PXN: variants seen among roughly 807,000 people sequenced by gnomAD.
PXN encodes the protein paxillin, also known as testicular tissue protein Li 134.
In PXN, 61 loss-of-function variants were observed where a neutral mutation model predicts 103.6. That is an observed-to-expected ratio of 0.59 (90% CI 0.48 to 0.73). PXN has a LOEUF of 0.73. Among genes scored for constraint, PXN ranks in the 30% least tolerant of loss-of-function variants. The pLI is 0.00. For synonymous variants in PXN, 562 were observed against 607.8 expected (o/e 0.92, Z 1.11); for missense variants, 1,274 against 1,460.3 (o/e 0.87, Z 2.08).
intron 1 of PXN, among the ~76,000 whole-genome samples, chr12:120,241,430 G>A (rs910569685): frequency 2.6e-5 from 4 of 152,200 alleles, no homozygotes; most frequent in African/African-American, 4.8e-5. Context: ...CCTGTCTCAC[G>A]TGCCTCCTCC....
At chr12:120,226,414 C>T (rs1297091640) in intron 1 of PXN, 1 of 1,289,226 alleles carries the variant, frequency 7.8e-7, no homozygotes, top group Non-Finnish European at 1.0e-6. Flanking sequence ...GGTTCAGAGG[C>T]AGAGTCACAT....
At position 120,223,829 on chromosome 12, in the gene PXN, T is replaced by G; in HGVS notation, c.245A>C (p.Gln82Pro). The change falls in exon 3 of 15, where the codon CAG (glutamine) becomes CCG (proline). Residue 82 changes from glutamine (Q) to proline (P), a missense_variant. Gln to Pro is a moderately conservative substitution (Grantham distance 76). Coordinates refer to ENST00000637617, the MANE Select transcript of PXN (RefSeq NM_001385981.1). ...GGAGCCGTACACAGGTGATGAGGAC[T>G]GAGGCTGCGAGAAGGAGAATGCTCA... ...SSSRFIHQQP[Q>P]SSSPVYGSSA... The G allele has an allele frequency of 6.3e-7, 1 of 1,595,338 alleles. No homozygotes were observed. Among genetic ancestry groups the G allele is most frequent in the Non-Finnish European group, 8.6e-7 (1 of 1,168,478 alleles).
chr12:120,216,097 G>A lies in PXN; in HGVS notation c.2301+176C>T, dbSNP rs184939193. On this transcript the variant is annotated intron_variant, in intron 9 of 14. Coordinates refer to ENST00000637617, the MANE Select transcript of PXN (RefSeq NM_001385981.1). This position sits in a 1 kb window ranked among gnomAD's most constrained non-coding sequence, Gnocchi z 5.1. ...CAAGAGGGCAGCGGACCTTCTGAGT[G>A]GGGGAAGACCGGGGTCAAGGTTTAC... 7.7e-6 allele frequency: 10 copies of A among 1,293,954 alleles called. No individual in the cohort carries two copies. In the Admixed American group the frequency reaches 1.1e-4, roughly 14 times the overall value. 80.2% of individuals were successfully genotyped at this position (1,293,954 alleles called of 1,614,324 possible).
Position 120,222,466 on chromosome 12 carries a change from C to T in PXN, c.695+83G>A. ...CAGACACGGGAGGGAGTGGGTGATACCAGGGCTAAGGGGACAGACACTGGA... is the reference window on the plus strand; with the variant it reads ...CAGACACGGGAGGGAGTGGGTGATATCAGGGCTAAGGGGACAGACACTGGA... On this transcript the variant is annotated intron_variant, in intron 5 of 14. Coordinates refer to ENST00000637617, the MANE Select transcript of PXN (RefSeq NM_001385981.1). This position sits in a 1 kb window ranked among gnomAD's most constrained non-coding sequence, Gnocchi z 4.7. The T allele has an allele frequency of 1.4e-6, 2 of 1,414,490 alleles. No homozygotes were observed. The highest frequency in any genetic ancestry group is 1.9e-6 in the Non-Finnish European group (2 of 1,054,704). 87.6% of individuals were successfully genotyped at this position (1,414,490 alleles called of 1,614,324 possible).
chr12:120,246,514 C>CAAAAAAAAAAAAAAAAA (rs139689226), intron 1 of PXN, among the ~76,000 whole-genome samples: 8 of 58,336 alleles, frequency 1.4e-4, no homozygotes, highest in East Asian at 3.7e-4. Context: ...GACTCTGTCT[C>CAAAAAAAAAAAAAAAAA]AAAAAAAAAA....
chr12:120,215,569 G>A lies in PXN; in HGVS notation c.2394C>T (p.Asp798=), dbSNP rs765989837. The part of the protein sequence containing the change: ...DGGRSSPGGQ[D]EGGFMAQGKT... ...CAGCCTTGGCACTGACCCCTCCCTC[G>A]TCCTGCCCTCCGGGGCTGCTCCGCC... is the stretch of plus-strand genomic sequence containing the variant. Residue 798 remains aspartate, a synonymous_variant, in exon 10 of 15, where the codon GAC becomes GAT. Coordinates refer to ENST00000637617, the MANE Select transcript of PXN (RefSeq NM_001385981.1). This position sits in a 1 kb window ranked among gnomAD's most constrained non-coding sequence, Gnocchi z 4.9. 16 of 1,596,840 alleles carry A rather than the reference G, an allele frequency of 1.0e-5. No homozygotes were observed. Among genetic ancestry groups the A allele is most frequent in the Non-Finnish European group, 1.2e-5 (14 of 1,173,028 alleles).
At chr12:120,226,418 G>A (rs1306113672) in intron 1 of PXN, 2 of 1,289,080 alleles carry the variant, frequency 1.6e-6, no homozygotes, top group Non-Finnish European at 2.0e-6. Flanking sequence ...CAGAGGCAGA[G>A]TCACATCCCA....
chr12:120,240,186 A>AGG (rs771601429), intron 1 of PXN, among the ~76,000 whole-genome samples: 4 of 152,144 alleles, frequency 2.6e-5, no homozygotes, highest in Non-Finnish European at 5.9e-5. Flanking sequence ...GGAACAAATA[A>AGG]GATAACAATC....
At chr12:120,237,317 C>A (rs1364160194) in intron 1 of PXN, among the ~76,000 whole-genome samples, 1 of 152,080 alleles carries the variant, frequency 6.6e-6, no homozygotes, top group African/African-American at 2.4e-5. Flanking sequence ...TGCCAACACG[C>A]CCTGCTAATT....
Position 120,216,497 on chromosome 12 carries a change from G to A in PXN, c.2077C>T (p.Arg693Cys), listed in dbSNP as rs377733452. ...GAGCTGCTGGCCGCGGCGTCTGTGCGATGCTGGAGCAAAGGGACAGAAGGA... is the reference window on the plus strand; with the variant it reads ...GAGCTGCTGGCCGCGGCGTCTGTGCAATGCTGGAGCAAAGGGACAGAAGGA... The part of the protein sequence containing the change: ...ASPSVPLLQH[R>C]TDAAASSSSP... Residue 693 changes from arginine (R) to cysteine (C), a missense_variant, in exon 9 of 15, where the codon CGC becomes TGC. Physicochemically the swap from Arg to Cys is radical, Grantham distance 180. Transcript: ENST00000637617. This position sits in a 1 kb window ranked among gnomAD's most constrained non-coding sequence, Gnocchi z 5.1. The A allele has an allele frequency of 9.4e-5, 131 of 1,393,760 alleles. No homozygotes were observed. The highest frequency in any genetic ancestry group is 3.5e-4 in the African/African-American group (23 of 66,538). The allele number at this position is 1,393,760 out of a possible 1,614,324, so 86.3% of individuals were successfully genotyped here.
In PXN at chr12:120,220,173, C is replaced by T. The variant is rs761558064; in HGVS notation, c.832-82G>A. ...ACGGCTGCACCTTGCAGGCGGTGGG[C>T]TCGGCCTTAGGGCTGACCAAGGTGG... On this transcript the variant is annotated intron_variant, in intron 6 of 14. Transcript: ENST00000637617. The surrounding 1 kb of genome is among the most constrained non-coding windows in gnomAD (Gnocchi z 6.1). 18 of 623,546 alleles carry T rather than the reference C, an allele frequency of 2.9e-5. No individual in the cohort carries two copies. The highest frequency in any genetic ancestry group is 4.6e-5 in the Non-Finnish European group (17 of 370,730). 38.6% of individuals were successfully genotyped at this position (623,546 alleles called of 1,614,324 possible). A position where few individuals can be genotyped will look rare whatever the true frequency, so the allele number is the denominator to read the frequency against.
At chr12:120,251,150 A>G (rs1440730153) in intron 1 of PXN, among the ~76,000 whole-genome samples, 1 of 151,888 alleles carries the variant, frequency 6.6e-6, no homozygotes, top group Non-Finnish European at 1.5e-5. Context: ...GGTTGCAATG[A>G]GCTGAGATCA....
chr12:120,252,178 AC>A (rs1280960679), intron 1 of PXN, among the ~76,000 whole-genome samples: 3 of 152,152 alleles, frequency 2.0e-5, no homozygotes, highest in African/African-American at 7.2e-5. Context: ...GCTCAGCATC[AC>A]TGTGGGTGTC....
chr12:120,226,329 G>A (rs1886864513), intron 1 of PXN: 1 of 1,289,060 alleles, frequency 7.8e-7, no homozygotes, highest in African/African-American at 1.5e-5. Context: ...ATCCTTGAAG[G>A]CCCACTGGGG....
Position 120,210,857 on chromosome 12 carries a change from T to C in PXN, c.*1457A>G, listed in dbSNP as rs996641823. 2.0e-5 allele frequency: 3 copies of C among 152,640 alleles called. No individual in the cohort carries two copies. The highest frequency in any genetic ancestry group is 7.2e-5 in the African/African-American group (3 of 41,434). 9.5% of individuals were successfully genotyped at this position (152,640 alleles called of 1,614,324 possible). ...CTCTTTCATCCTTGGTAAAGAGCTC[T>C]GGGGGGTTTCCCCAGAGGAGCCTGT... On this transcript the variant is annotated 3_prime_UTR_variant, in exon 15 of 15. Transcript: ENST00000637617.
intron 1 of PXN, among the ~76,000 whole-genome samples, chr12:120,244,046 G>A (rs999904462): frequency 1.3e-5 from 2 of 151,742 alleles, no homozygotes; most frequent in African/African-American, 2.4e-5. Context: ...TTCAGCTCAT[G>A]CCACCTCCTG....
intron 2 of PXN, 36 bp from the exon 3 acceptor site, chr12:120,223,869 G>A (rs1282920839): frequency 1.3e-5 from 19 of 1,467,524 alleles, no homozygotes; most frequent in Non-Finnish European, 1.3e-5. Context: ...CTACCCCGAG[G>A]GGAGAAAAAG....
chr12:120,265,007 G>T lies in PXN; in HGVS notation c.13+610C>A, dbSNP rs1217250273. Among the ~76,000 whole-genome samples the T allele has an allele frequency of 6.6e-6, 1 of 152,050 alleles. No individual in the cohort carries two copies. Among genetic ancestry groups the T allele is most frequent in the Non-Finnish European group, 1.5e-5 (1 of 68,008 alleles). On this transcript the variant is annotated intron_variant, in intron 1 of 14. Transcript: ENST00000637617. This position sits in a 1 kb window ranked among gnomAD's most constrained non-coding sequence, Gnocchi z 5.7. ...CTGGGAAACTTGTCTTTGAAATGGG[G>T]GTGTGGTCATCACACGCTCATCTCT...
chr12:120,249,838 C>T, intron 1 of PXN: 1 of 984,350 alleles, frequency 1.0e-6, no homozygotes, highest in Non-Finnish European at 1.2e-6. Flanking sequence ...GGTGGTGAGG[C>T]AGGGAAGAAA....
Sources: allele counts gnomAD v4.1 joint callset (sites outside exome capture counted in the v4.1 genomes callset), GRCh38; gene constraint gnomAD v4.1.1; non-coding constraint Gnocchi (gnomAD v3.1); transcripts MANE v1.5; gene names NCBI Gene and HGNC (gene_info 2026-07-23, HGNC 2026-07-21).